Variants in LHFPL3 observed in about 807,000 individuals in gnomAD.
The protein encoded by LHFPL3 is LHFPL tetraspan subfamily member 3 protein.
In LHFPL3, 5 loss-of-function variants were observed where a neutral mutation model predicts 19.3. The observed-to-expected ratio is 0.26, with a 90% CI of 0.14 to 0.54. LHFPL3 has a LOEUF of 0.54. Among genes scored for constraint, LHFPL3 ranks in the 20% least tolerant of loss-of-function variants. LHFPL3 has a pLI of 0.94. For synonymous variants in LHFPL3, 133 were observed against 126.2 expected, an observed-to-expected ratio of 1.05 and a Z score of -0.36; for missense variants, 249 against 307.4, an observed-to-expected ratio of 0.81 and a Z score of 1.42.
chr7:104,717,663 G>C (rs1319674758), intron 1 of LHFPL3, among the ~76,000 whole-genome samples: 1 of 152,112 alleles, frequency 6.6e-6, no homozygotes, highest in Non-Finnish European at 1.5e-5. Flanking sequence ...AGAATTGTTG[G>C]TGAGGATATG....
intron 2 of LHFPL3, among the ~76,000 whole-genome samples, chr7:104,795,657 A>T (rs1449738611): frequency 6.6e-6 from 1 of 152,192 alleles, no homozygotes; most frequent in Non-Finnish European, 1.5e-5. Flanking sequence ...CAAGGACAGT[A>T]AATCTAAAAA....
At chr7:104,735,264 G>A (rs1562976678) in intron 1 of LHFPL3, among the ~76,000 whole-genome samples, 1 of 152,252 alleles carries the variant, frequency 6.6e-6, no homozygotes, top group Non-Finnish European at 1.5e-5. Context: ...GGACATTTAA[G>A]TCTGCAGAGC....
intron 1 of LHFPL3, among the ~76,000 whole-genome samples, chr7:104,334,027 T>A (rs149459803): frequency 3.9e-5 from 6 of 152,342 alleles, no homozygotes; most frequent in African/African-American, 9.6e-5. Context: ...TTGCAAAGAC[T>A]AAATGAGCTA....
At chr7:104,642,154 C>T (rs1411098275) in intron 1 of LHFPL3, among the ~76,000 whole-genome samples, 1 of 151,432 alleles carries the variant, frequency 6.6e-6, no homozygotes, top group African/African-American at 2.4e-5. Flanking sequence ...TCTCATGCCT[C>T]AGCCTCCCAA....
intron 1 of LHFPL3, among the ~76,000 whole-genome samples, chr7:104,403,725 T>TTC (rs71786184): frequency 0.03 from 4,265 of 143,648 alleles, 178 homozygotes; most frequent in East Asian, 0.18. Flanking sequence ...TTAGTGAACA[T>TTC]TCTCTCTCTC....
At chr7:104,367,077 C>G (rs1294640231) in intron 1 of LHFPL3, among the ~76,000 whole-genome samples, 1 of 152,048 alleles carries the variant, frequency 6.6e-6, no homozygotes, top group Non-Finnish European at 1.5e-5. Context: ...CCCTCTGGCT[C>G]CATTAGTCTG....
intron 1 of LHFPL3, among the ~76,000 whole-genome samples, chr7:104,694,821 T>C (rs1019050993): frequency 1.3e-5 from 2 of 152,164 alleles, no homozygotes; most frequent in Non-Finnish European, 2.9e-5. Flanking sequence ...GCAAGAAGGG[T>C]CTGTCTGCAA....
At chr7:104,526,756 A>G (rs1197243647) in intron 1 of LHFPL3, among the ~76,000 whole-genome samples, 2 of 152,244 alleles carry the variant, frequency 1.3e-5, no homozygotes, top group East Asian at 3.8e-4. Flanking sequence ...CTGTGAATCT[A>G]GCATTAATCA....
chr7:104,749,835 ATGGTATGGGTT>A (rs1794127723), intron 2 of LHFPL3, among the ~76,000 whole-genome samples: 1 of 152,208 alleles, frequency 6.6e-6, no homozygotes, highest in Non-Finnish European at 1.5e-5. Flanking sequence ...TTCCAAGTTA[ATGGTATGGGTT>A]TAGGAGGCTC....
chr7:104,455,024 T>C (rs1258727125), intron 1 of LHFPL3, among the ~76,000 whole-genome samples: 1 of 152,196 alleles, frequency 6.6e-6, no homozygotes, highest in Non-Finnish European at 1.5e-5. Flanking sequence ...CCGGCCTCCT[T>C]ATTGTGCCTG....
chr7:104,436,161 T>C (rs977823342), intron 1 of LHFPL3, among the ~76,000 whole-genome samples: 3 of 152,198 alleles, frequency 2.0e-5, no homozygotes, highest in Non-Finnish European at 4.4e-5. Context: ...ATTTTGGAGA[T>C]ACATGGTTAA....
chr7:104,877,564 A>C (rs1791970921), intron 2 of LHFPL3, among the ~76,000 whole-genome samples: 2 of 152,314 alleles, frequency 1.3e-5, no homozygotes, highest in South Asian at 4.1e-4. Context: ...TCAAAACCAC[A>C]ATGAGATATC....
At chr7:104,451,228 A>C (rs1286808402) in intron 1 of LHFPL3, among the ~76,000 whole-genome samples, 1 of 152,216 alleles carries the variant, frequency 6.6e-6, no homozygotes, top group Non-Finnish European at 1.5e-5. Context: ...TTGAAAGAAA[A>C]GAAGGGATAC....
At chr7:104,630,060 T>A (rs1791613548) in intron 1 of LHFPL3, among the ~76,000 whole-genome samples, 1 of 152,214 alleles carries the variant, frequency 6.6e-6, no homozygotes, top group Non-Finnish European at 1.5e-5. Context: ...ATAAGCATAG[T>A]ACCAGGTCCC....
At chr7:104,553,832 C>G (rs1176457840) in intron 1 of LHFPL3, among the ~76,000 whole-genome samples, 1 of 152,134 alleles carries the variant, frequency 6.6e-6, no homozygotes, top group African/African-American at 2.4e-5. Context: ...AGTCCAGGCC[C>G]AGAGGAATCC....
rs76436505 is a variant in LHFPL3 at position 104,621,254 on chromosome 7, G to T, written c.446-115421G>T. Among the ~76,000 whole-genome samples the T allele has an allele frequency of 1.7e-4, 26 of 152,264 alleles. No homozygotes were observed. In the East Asian group the frequency reaches 4.6e-3, roughly 27 times the overall value. ...GCCCTTGAGGCTTACTTGAATCGGGGTTTTCTCCCTTTATGGATTAGTATA... is the reference window on the plus strand; with the variant it reads ...GCCCTTGAGGCTTACTTGAATCGGGTTTTTCTCCCTTTATGGATTAGTATA... On this transcript the variant is annotated intron_variant, in intron 1 of 2. Transcript: ENST00000424859.
chr7:104,724,065 G>T (rs996153746), intron 1 of LHFPL3, among the ~76,000 whole-genome samples: 2 of 152,148 alleles, frequency 1.3e-5, no homozygotes. Context: ...TTAAACTTTC[G>T]TTGACTGAGG....
chr7:104,668,282 C>T, intron 1 of LHFPL3: 2 of 1,606,844 alleles, frequency 1.2e-6, no homozygotes, highest in South Asian at 1.1e-5. Context: ...TGGATAAAGA[C>T]AGGGATGATC....
chr7:104,542,759 A>G (rs913795002), intron 1 of LHFPL3, among the ~76,000 whole-genome samples: 1 of 152,130 alleles, frequency 6.6e-6, no homozygotes, highest in African/African-American at 2.4e-5. Context: ...AGGGCCCTTT[A>G]AAAATACCTG....
Sources: gnomAD v4.1 joint callset for allele counts (sites outside exome capture counted in the v4.1 genomes callset) on GRCh38, gnomAD v4.1.1 for gene constraint, MANE v1.5 for transcripts, NCBI Gene and HGNC (gene_info 2026-07-23, HGNC 2026-07-21) for gene names.